Variants in DRICH1 observed in about 807,000 individuals in gnomAD.
DRICH1 encodes the protein aspartate rich 1, also known as aspartate-rich protein 1.
DRICH1 carries 38 observed loss-of-function variants against 39.5 expected under a neutral mutation model. That is an observed-to-expected ratio of 0.96 (90% CI 0.74 to 1.26). The LOEUF is 1.26. Ranked by LOEUF, DRICH1 falls within the 50% of genes most tolerant of loss-of-function variation. The probability of loss-of-function intolerance (pLI) is 0.00; values close to 1 mark genes in which losing one functional copy is unlikely to be tolerated. For missense variants in DRICH1, 279 were observed against 270.4 expected (o/e 1.03, Z -0.22); for synonymous variants, 84 against 99.5 (o/e 0.84, Z 0.93).
At chr22:23,619,002 T>A (rs1927547685) in intron 6 of DRICH1, among the ~76,000 whole-genome samples, 1 of 151,718 alleles carries the variant, frequency 6.6e-6, no homozygotes, top group Non-Finnish European at 1.5e-5. Context: ...TAAAACCACG[T>A]CTCTACTAAA....
intron 9 of DRICH1, 68 bp from the exon 10 acceptor site, chr22:23,613,728 T>C: frequency 2.5e-6 from 3 of 1,215,954 alleles, no homozygotes; most frequent in Non-Finnish European, 3.6e-6. Context: ...AGATCTGTTA[T>C]TCTCTGGACA....
At position 23,626,035 on chromosome 22, in the gene DRICH1, GTCCTC is replaced by G; in HGVS notation, c.217_221del (p.Glu73ProfsTer11). On this transcript the variant is annotated frameshift_variant, in exon 2 of 12. Coordinates refer to ENST00000317749, the MANE Select transcript of DRICH1 (RefSeq NM_016449.4). LOFTEE classifies it high-confidence loss of function. ...ATGGCAGAAATTTTAAACTCAGGCG[GTCCTC>G]AGGGGGACCTAAAAGGACACAGAGT... 2 of 1,612,724 alleles carry G rather than the reference GTCCTC, an allele frequency of 1.2e-6. No individual in the cohort carries two copies. Among genetic ancestry groups the G allele is most frequent in the Non-Finnish European group, 8.5e-7 (1 of 1,179,206 alleles).
At chr22:23,591,791 T>C in the DRICH1 span, among the ~76,000 whole-genome samples, 7 of 152,276 alleles carry the variant, frequency 4.6e-5, no homozygotes, top group Non-Finnish European at 1.5e-5. Context: ...AACATAACAA[T>C]GAGAAGCAAG....
chr22:23,617,757 C>G, intron 6 of DRICH1, 100 bp from the exon 7 acceptor site: 1 of 1,139,414 alleles, frequency 8.8e-7, no homozygotes, highest in South Asian at 1.2e-5. Flanking sequence ...GGTTGATTAA[C>G]AAACATGGAC....
the DRICH1 span, among the ~76,000 whole-genome samples, chr22:23,593,840 T>TG: frequency 1.3e-5 from 2 of 150,562 alleles, no homozygotes; most frequent in African/African-American, 4.9e-5. Flanking sequence ...TAGCCGGGCG[T>TG]GGTGGCGCAT....
intron 3 of DRICH1, among the ~76,000 whole-genome samples, chr22:23,622,605 C>T (rs1050255552): frequency 1.3e-5 from 2 of 151,148 alleles, no homozygotes; most frequent in Non-Finnish European, 2.9e-5. Flanking sequence ...AATTAAAAGT[C>T]TATTTTATTG....
In DRICH1 at chr22:23,613,276, C is replaced by T. The variant is rs368623485; in HGVS notation, c.685+13G>A. 108 of 1,610,086 alleles carry T rather than the reference C, an allele frequency of 6.7e-5. No individual in the cohort carries two copies. The highest frequency in any genetic ancestry group is 2.0e-4 in the East Asian group (9 of 44,892). On this transcript the variant is annotated intron_variant, in intron 11 of 11. Transcript: ENST00000317749. ...TTTTCCCATTGGGTTTTTGCTGGCA[C>T]GTAGTTCCCTACCTGGATGAATCTC...
At chr22:23,582,220 A>G in the DRICH1 span, among the ~76,000 whole-genome samples, 3 of 148,704 alleles carry the variant, frequency 2.0e-5, 1 homozygote, top group Non-Finnish European at 4.4e-5. Flanking sequence ...CTCATGATCC[A>G]CCTGCCTCGG....
chr22:23,590,862 G>T, the DRICH1 span, among the ~76,000 whole-genome samples: 1 of 152,106 alleles, frequency 6.6e-6, no homozygotes. Context: ...AAAGGGATCC[G>T]CTCACCCTGC....
the DRICH1 span, among the ~76,000 whole-genome samples, chr22:23,584,415 G>C: frequency 6.6e-6 from 1 of 152,090 alleles, no homozygotes; most frequent in Admixed American, 6.6e-5. Flanking sequence ...TATGCCCCAG[G>C]CCTCAAAGAC....
chr22:23,613,656 G>C lies in DRICH1; in HGVS notation c.626C>G (p.Thr209Arg), dbSNP rs778896267. 12 of 1,601,170 alleles carry C rather than the reference G, an allele frequency of 7.5e-6. No individual in the cohort carries two copies. In the Middle Eastern group the frequency reaches 8.3e-4, roughly 110 times the overall value. The change falls in exon 10 of 12, where the codon ACA (threonine) becomes AGA (arginine). Residue 209 changes from threonine to arginine, a missense_variant. Coordinates refer to ENST00000317749, the MANE Select transcript of DRICH1 (RefSeq NM_016449.4). Reference protein sequence around the residue: ...EEEDDDDIHITARIESDLTLE... With the variant: ...EEEDDDDIHIRARIESDLTLE... The stretch of plus-strand genomic sequence containing the variant: ...GTACATACCACTTTCTATCCGAGCT[G>C]TTATCTGCAATTATATAAAAGAAAA...
chr22:23,623,827 G>GA (rs2123788805), intron 3 of DRICH1: 6 of 513,256 alleles, frequency 1.2e-5, no homozygotes, highest in Non-Finnish European at 1.3e-5. Flanking sequence ...AGAGAGCCCA[G>GA]AATTAAATGC....
At chr22:23,600,925 G>T in the DRICH1 span, among the ~76,000 whole-genome samples, 3 of 152,004 alleles carry the variant, frequency 2.0e-5, no homozygotes, top group South Asian at 6.2e-4. Flanking sequence ...ACCCACCTCG[G>T]CCTCCCAAAG....
At chr22:23,599,139 G>C in the DRICH1 span, among the ~76,000 whole-genome samples, 2 of 152,214 alleles carry the variant, frequency 1.3e-5, no homozygotes, top group African/African-American at 2.4e-5. Flanking sequence ...CACAGGCACA[G>C]CTGCCTTTAG....
Position 23,624,902 on chromosome 22 carries a change from A to G in DRICH1, c.279T>C (p.Ile93=). ...ACGTACCCTGGACAGGTGATGGTAA[A>G]ATCTGCAATGAGACAAAAGAAGATG... ...SSEEDNDDAK[I]LPSPVQGSSE... is the part of the protein sequence containing the mutation. The change falls in exon 3 of 12, where the codon ATT becomes ATC. Residue 93 remains isoleucine (I), a splice_region_variant and synonymous_variant. Coordinates refer to ENST00000317749, the MANE Select transcript of DRICH1 (RefSeq NM_016449.4). 6.2e-7 allele frequency: 1 copy of G among 1,613,620 alleles called. No homozygotes were observed. The highest frequency in any genetic ancestry group is 8.5e-7 in the Non-Finnish European group (1 of 1,179,566).
chr22:23,593,837 G>T, the DRICH1 span, among the ~76,000 whole-genome samples: 1 of 151,862 alleles, frequency 6.6e-6, no homozygotes, highest in Admixed American at 6.6e-5. Context: ...AATTAGCCGG[G>T]CGTGGTGGCG....
intron 11 of DRICH1, among the ~76,000 whole-genome samples, chr22:23,611,062 C>A (rs1015783725): frequency 2.0e-5 from 3 of 152,272 alleles, no homozygotes; most frequent in South Asian, 4.2e-4. Context: ...CAAGCTTCAG[C>A]AAGACCAATT....
chr22:23,611,392 A>ATT (rs11339572), intron 11 of DRICH1, among the ~76,000 whole-genome samples: 16,749 of 137,932 alleles, frequency 0.12, 1,144 homozygotes, highest in Middle Eastern at 0.24. Flanking sequence ...ATTTTCATTC[A>ATT]TTTTTTTTTT....
intron 4 of DRICH1, among the ~76,000 whole-genome samples, chr22:23,621,474 A>G (rs1314762079): frequency 6.6e-6 from 1 of 152,080 alleles, no homozygotes; most frequent in Non-Finnish European, 1.5e-5. Flanking sequence ...GACACCCACG[A>G]AGATTGTGAC....
Sources: allele counts gnomAD v4.1 joint callset (sites outside exome capture counted in the v4.1 genomes callset), GRCh38; gene constraint gnomAD v4.1.1; transcripts MANE v1.5; gene names NCBI Gene and HGNC (gene_info 2026-07-23, HGNC 2026-07-21).